The following SLC7A13 variants were observed in gnomAD, a reference collection of about 807,000 sequenced individuals.
SLC7A13 encodes the protein solute carrier family 7 member 13, also known as X-amino acid transporter 2.
A neutral mutation model predicts 32.0 loss-of-function variants in SLC7A13; 31 were observed. The observed-to-expected ratio is 0.97, with a 90% CI of 0.73 to 1.31. The LOEUF (loss-of-function observed/expected upper bound fraction) is 1.31, where lower values mean the gene tolerates loss of function less well. Ranked by LOEUF, SLC7A13 falls within the 50% of genes most tolerant of loss-of-function variation. The pLI is 0.00. For missense variants in SLC7A13, 633 were observed against 546.9 expected (o/e 1.16, Z -1.57); for synonymous variants, 232 against 206.9 (o/e 1.12, Z -1.04).
At chr8:86,221,929 A>T (rs1820303907) in intron 2 of SLC7A13, among the ~76,000 whole-genome samples, 1 of 152,150 alleles carries the variant, frequency 6.6e-6, no homozygotes, top group Non-Finnish European at 1.5e-5. Context: ...TAACTTTGTA[A>T]ATTTATTCTT....
intron 2 of SLC7A13, among the ~76,000 whole-genome samples, chr8:86,221,783 T>A (rs1176291853): frequency 6.6e-6 from 1 of 152,176 alleles, no homozygotes; most frequent in Non-Finnish European, 1.5e-5. Flanking sequence ...GCTATAATCA[T>A]TATTACACCG....
intron 2 of SLC7A13, among the ~76,000 whole-genome samples, chr8:86,221,286 AT>A (rs1240127533): frequency 6.6e-6 from 1 of 151,862 alleles, no homozygotes; most frequent in African/African-American, 2.4e-5. Context: ...TTTCCCATAA[AT>A]TTTTTATTTG....
rs747819415 is a variant in SLC7A13 at position 86,217,716 on chromosome 8, C to A, written c.933G>T (p.Ser311=). The change falls in exon 3 of 4, where the codon TCG becomes TCT. Residue 311 remains serine (S), a synonymous_variant. Transcript: ENST00000297524. ...CTTGGCTTGCAAGATATATTGGTCT[C>A]GATGATTTAAATATAGAAATCAGAA... ...SNLLISIFKS[S]RPIYLASQEG... 1 of 1,612,868 alleles carries A rather than the reference C, an allele frequency of 6.2e-7. No individual in the cohort carries two copies. Among genetic ancestry groups the A allele is most frequent in the Non-Finnish European group, 8.5e-7 (1 of 1,179,488 alleles).
rs1275560130 is a variant in SLC7A13, at chr8:86,217,808, C to A, written c.841G>T (p.Asp281Tyr). 1.3e-6 allele frequency: 2 copies of A among 1,596,808 alleles called. No homozygotes were observed. The highest frequency in any genetic ancestry group is 1.7e-6 in the Non-Finnish European group (2 of 1,173,248). Reference protein sequence around the residue: ...SSDAVAITWADRAFPSLAWIM... With the variant: ...SSDAVAITWAYRAFPSLAWIM... ...CATGCTAATGAGGGAAAAGCTCGAT[C>A]AGCCCATGTGATAGCTACAGCATCT... The change falls in exon 3 of 4, where the codon GAT becomes TAT. Residue 281 changes from aspartate to tyrosine, a missense_variant. Asp to Tyr is a radical substitution (Grantham distance 160). Transcript: ENST00000297524.
At chr8:86,216,607 G>A (rs895003334) in intron 3 of SLC7A13, among the ~76,000 whole-genome samples, 2 of 152,146 alleles carry the variant, frequency 1.3e-5, no homozygotes, top group Admixed American at 6.6e-5. Context: ...TTGGTGATGA[G>A]AACATTGCTT....
At chr8:86,216,233 A>G (rs1268509852) in intron 3 of SLC7A13, among the ~76,000 whole-genome samples, 1 of 152,222 alleles carries the variant, frequency 6.6e-6, no homozygotes, top group African/African-American at 2.4e-5. Flanking sequence ...TGTTAAAAAG[A>G]TGCAGCATGT....
chr8:86,223,251 G>C, intron 1 of SLC7A13, 148 bp from the exon 2 acceptor site: 2 of 702,448 alleles, frequency 2.8e-6, no homozygotes, highest in South Asian at 5.7e-5. Flanking sequence ...GGTCAAATCA[G>C]AGTTTTAGTG....
intron 3 of SLC7A13, 65 bp from the exon 4 acceptor site, chr8:86,214,711 A>G: frequency 8.8e-7 from 1 of 1,139,994 alleles, no homozygotes; most frequent in Non-Finnish European, 1.2e-6. Flanking sequence ...CTGCATATTC[A>G]TATAAATAAA....
rs572613502 is a variant in SLC7A13 at position 86,218,811 on chromosome 8, C to G, written c.818-980G>C. ...TGTGGATATATGCTAGGACAGATCACTCAGTCAGAGAGAAACAAATTATCA... is the reference window on the plus strand; with the variant it reads ...TGTGGATATATGCTAGGACAGATCAGTCAGTCAGAGAGAAACAAATTATCA... On this transcript the variant is annotated intron_variant, in intron 2 of 3. Transcript: ENST00000297524. Among the ~76,000 whole-genome samples the G allele has an allele frequency of 3.3e-5, 5 of 152,162 alleles. No homozygotes were observed. In the East Asian group the frequency reaches 7.7e-4, roughly 24 times the overall value.
At chr8:86,225,949 C>A (rs1459815887) in intron 1 of SLC7A13, among the ~76,000 whole-genome samples, 1 of 151,900 alleles carries the variant, frequency 6.6e-6, no homozygotes, top group Non-Finnish European at 1.5e-5. Flanking sequence ...GATGGGTATT[C>A]CTACACCTTG....
intron 2 of SLC7A13, among the ~76,000 whole-genome samples, chr8:86,222,014 T>C (rs1820305479): frequency 6.6e-6 from 1 of 152,138 alleles, no homozygotes; most frequent in African/African-American, 2.4e-5. Flanking sequence ...CCACAGACAC[T>C]CAGAAGCTTG....
chr8:86,216,523 A>T (rs1243742002), intron 3 of SLC7A13, among the ~76,000 whole-genome samples: 1 of 152,182 alleles, frequency 6.6e-6, no homozygotes, highest in Non-Finnish European at 1.5e-5. Context: ...ACTCAAACAC[A>T]CAACAATTAA....
At position 86,223,055 on chromosome 8, in the gene SLC7A13, G is replaced by A. The variant is rs749418698; in HGVS notation, c.734C>T (p.Ala245Val). Residue 245 changes from alanine (A) to valine (V), a missense_variant, in exon 2 of 4, where the codon GCG (alanine) becomes GTG (valine). Coordinates refer to ENST00000297524, the MANE Select transcript of SLC7A13 (RefSeq NM_138817.3). ...ATAAACTACAGTCACCAGAGGTAAC[G>A]CAGTAAATATGCATTTGGGAATTGT... ...RTTIPKCIFT[A>V]LPLVTVVYLL... The A allele has an allele frequency of 2.5e-6, 4 of 1,606,298 alleles. No homozygotes were observed. The highest frequency in any genetic ancestry group is 1.1e-5 in the South Asian group (1 of 89,752).
Position 86,229,777 on chromosome 8 carries a change from T to C in SLC7A13, c.501A>G (p.Lys167=). ...TWLQIASSVL[K]VSILSFISLT... ...GGGAAATGAAGCTAAGTATGGACAC[T>C]TTCAGCACTGAGCTAGCTATCTGAA... The change falls in exon 1 of 4, where the codon AAA becomes AAG. Residue 167 remains lysine, a synonymous_variant. Coordinates refer to ENST00000297524, the MANE Select transcript of SLC7A13 (RefSeq NM_138817.3). 2 of 1,614,220 alleles carry C rather than the reference T, an allele frequency of 1.2e-6. No homozygotes were observed. The highest frequency in any genetic ancestry group is 1.7e-6 in the Non-Finnish European group (2 of 1,180,034).
At chr8:86,222,772 G>C (rs554886439) in intron 2 of SLC7A13, among the ~76,000 whole-genome samples, 200 bp downstream of exon 2, 11 of 152,238 alleles carry the variant, frequency 7.2e-5, no homozygotes, top group African/African-American at 2.6e-4. Flanking sequence ...CATATTATTA[G>C]AAAAGGCATA....
chr8:86,224,215 GT>G, intron 1 of SLC7A13, among the ~76,000 whole-genome samples: 1 of 152,278 alleles, frequency 6.6e-6, no homozygotes, highest in Non-Finnish European at 1.5e-5. Context: ...TGCTATCTGT[GT>G]TTTATATATA....
rs754251685 is a variant in SLC7A13, at chr8:86,214,663, T to A, written c.1180-17A>T. The A allele has an allele frequency of 6.4e-7, 1 of 1,573,266 alleles. No individual in the cohort carries two copies. ...CAAAAACACCTGAAAAGAGCAAAGT[T>A]TGAAAAAATATTGGATATGAACATC... is the stretch of plus-strand genomic sequence containing the variant. On this transcript the variant is annotated splice_polypyrimidine_tract_variant and intron_variant, in intron 3 of 3. Coordinates refer to ENST00000297524, the MANE Select transcript of SLC7A13 (RefSeq NM_138817.3).
At chr8:86,219,066 G>T (rs1940620481) in intron 2 of SLC7A13, among the ~76,000 whole-genome samples, 1 of 152,062 alleles carries the variant, frequency 6.6e-6, no homozygotes, top group African/African-American at 2.4e-5. Flanking sequence ...AGCCTCAACT[G>T]CCATTTTACT....
chr8:86,214,552 A>G lies in SLC7A13; in HGVS notation c.1274T>C (p.Val425Ala), dbSNP rs1338641557. 6.2e-7 allele frequency: 1 copy of G among 1,613,736 alleles called. No homozygotes were observed. The highest frequency in any genetic ancestry group is 8.5e-7 in the Non-Finnish European group (1 of 1,179,808). Reference sequence around the variant, plus strand: ...TAATCCGCTGAGAACTAACAGAAGCACGTAGACATAATGCACATTTGGAGA... The same window carrying G: ...TAATCCGCTGAGAACTAACAGAAGCGCGTAGACATAATGCACATTTGGAGA... ...VKSPNVHYVY[V>A]LLLVLSGLLF... Residue 425 changes from valine (V) to alanine (A), a missense_variant, in exon 4 of 4, where the codon GTG becomes GCG. Physicochemically the swap from Val to Ala is moderately conservative, Grantham distance 64. Coordinates refer to ENST00000297524, the MANE Select transcript of SLC7A13 (RefSeq NM_138817.3).
Sources: gnomAD v4.1 joint callset for allele counts (sites outside exome capture counted in the v4.1 genomes callset) on GRCh38, gnomAD v4.1.1 for gene constraint, MANE v1.5 for transcripts, NCBI Gene and HGNC (gene_info 2026-07-23, HGNC 2026-07-21) for gene names.